POU2F3: variants seen among roughly 807,000 people sequenced by gnomAD.
POU2F3 encodes POU domain, class 2, transcription factor 3.
A neutral mutation model predicts 59.2 loss-of-function variants in POU2F3; 23 were observed. That is an observed-to-expected ratio of 0.39 (90% CI 0.28 to 0.55). The LOEUF (loss-of-function observed/expected upper bound fraction) is 0.55, where lower values mean the gene tolerates loss of function less well. Among genes scored for constraint, POU2F3 ranks in the 20% least tolerant of loss-of-function variants. The pLI, the probability that POU2F3 is intolerant of heterozygous loss-of-function variation, is 0.66. For synonymous variants in POU2F3, 190 were observed against 214.6 expected (o/e 0.89, Z 1.00); for missense variants, 473 against 544.5 (o/e 0.87, Z 1.31).
chr11:120,240,416 G>A (rs758815124), intron 1 of POU2F3, 45 bp downstream of exon 1: 2 of 1,354,908 alleles, frequency 1.5e-6, no homozygotes, highest in East Asian at 2.8e-5. Flanking sequence ...CACTGCGCGT[G>A]GGCAGGGGTG....
At chr11:120,299,051 G>A (rs1056468785) in intron 4 of POU2F3, among the ~76,000 whole-genome samples, 14 of 152,270 alleles carry the variant, frequency 9.2e-5, no homozygotes, top group South Asian at 2.1e-4. Flanking sequence ...CCCAAGCATC[G>A]GAATTATTAG....
chr11:120,240,544 G>T (rs913450345), intron 1 of POU2F3, among the ~76,000 whole-genome samples, 173 bp downstream of exon 1: 7 of 152,070 alleles, frequency 4.6e-5, no homozygotes, highest in Admixed American at 4.6e-4. Context: ...GGGGACTAAA[G>T]GGAGGGGATC....
intron 5 of POU2F3, chr11:120,300,765 G>GAAAA: frequency 4.6e-6 from 1 of 218,920 alleles, no homozygotes; most frequent in Non-Finnish European, 8.2e-6. Context: ...CTCTGTCTCT[G>GAAAA]AAAAAAAAAA....
chr11:120,292,779 G>A (rs1221625730), intron 3 of POU2F3, among the ~76,000 whole-genome samples: 3 of 152,224 alleles, frequency 2.0e-5, no homozygotes, highest in Non-Finnish European at 4.4e-5. Flanking sequence ...TTCAAGTCCT[G>A]GGCACCATGA....
chr11:120,238,827 TAAAAAAAAA>T (rs56948018), upstream of POU2F3, among the ~76,000 whole-genome samples: 38 of 48,362 alleles, frequency 7.9e-4, no homozygotes, highest in African/African-American at 2.5e-3. Context: ...AGACTCTGTC[TAAAAAAAAA>T]AAAAAAAAAA....
intron 1 of POU2F3, among the ~76,000 whole-genome samples, chr11:120,242,647 G>A (rs896704381): frequency 2.0e-5 from 3 of 152,176 alleles, no homozygotes; most frequent in South Asian, 2.1e-4. Flanking sequence ...GCTTGCTCCC[G>A]GGTCGCCCAC....
At chr11:120,274,594 G>A (rs1940244880) in intron 3 of POU2F3, among the ~76,000 whole-genome samples, 1 of 152,206 alleles carries the variant, frequency 6.6e-6, no homozygotes, top group South Asian at 2.1e-4. Context: ...AACTTATCCA[G>A]ATGATGGGAG....
At chr11:120,300,624 T>C (rs1941320536) in intron 5 of POU2F3, among the ~76,000 whole-genome samples, 1 of 151,934 alleles carries the variant, frequency 6.6e-6, no homozygotes, top group Non-Finnish European at 1.5e-5. Flanking sequence ...ATTTGCCGGG[T>C]GTGGTGGTGC....
chr11:120,281,621 G>C (rs937309821), intron 3 of POU2F3, among the ~76,000 whole-genome samples: 2 of 152,048 alleles, frequency 1.3e-5, no homozygotes, highest in Non-Finnish European at 2.9e-5. Context: ...ACATCCTGCT[G>C]TGCTTTTCTT....
intron 10 of POU2F3, among the ~76,000 whole-genome samples, chr11:120,312,262 T>C (rs1034008871): frequency 3.3e-5 from 5 of 152,162 alleles, no homozygotes; most frequent in Non-Finnish European, 7.3e-5. Flanking sequence ...TAGCTGGGAT[T>C]ACAGGCACCC....
At position 120,306,747 on chromosome 11, in the gene POU2F3, G is replaced by C. The variant is rs1266955767; in HGVS notation, c.770-732G>C. Among the ~76,000 whole-genome samples the C allele has an allele frequency of 2.0e-5, 3 of 152,276 alleles. No individual in the cohort carries two copies. The East Asian group carries it at 5.8e-4, about 29-fold the overall frequency. Reference sequence around the variant, plus strand: ...AGAAAAGGGTGGGGCAGCCAGCCAGGGCTGTTACTCATACGGAAGGGCCTC... The same window carrying C: ...AGAAAAGGGTGGGGCAGCCAGCCAGCGCTGTTACTCATACGGAAGGGCCTC... On this transcript the variant is annotated intron_variant, in intron 8 of 12. Coordinates refer to ENST00000543440, the MANE Select transcript of POU2F3 (RefSeq NM_014352.4).
In POU2F3 at chr11:120,305,698, A is replaced by G. The variant is rs1565386816; in HGVS notation, c.682A>G (p.Thr228Ala). 6.2e-7 allele frequency: 1 copy of G among 1,614,026 alleles called. No individual in the cohort carries two copies. ...GTATGGCAACGACTTCAGCCAGACC[A>G]CCATCTCACGATTTGAGGCCCTCAA... The part of the protein sequence containing the change: ...KLYGNDFSQT[T>A]ISRFEALNLS... The change falls in exon 8 of 13, where the codon ACC (threonine) becomes GCC (alanine). Residue 228 changes from threonine to alanine, a missense_variant. Coordinates refer to ENST00000543440, the MANE Select transcript of POU2F3 (RefSeq NM_014352.4).
intron 9 of POU2F3, among the ~76,000 whole-genome samples, 162 bp downstream of exon 9, chr11:120,307,777 T>G (rs1177502239): frequency 1.3e-5 from 2 of 152,092 alleles, no homozygotes. Flanking sequence ...GGTATTGGAG[T>G]GCAAAGCTGC....
chr11:120,250,890 T>C (rs1939068519), intron 2 of POU2F3, among the ~76,000 whole-genome samples: 1 of 152,012 alleles, frequency 6.6e-6, no homozygotes, highest in Non-Finnish European at 1.5e-5. Context: ...GGCAGGAGAA[T>C]TGCTTGAAGC....
At chr11:120,310,257 G>A (rs1941618763) in intron 10 of POU2F3, among the ~76,000 whole-genome samples, 2 of 152,214 alleles carry the variant, frequency 1.3e-5, no homozygotes, top group South Asian at 4.1e-4. Context: ...TGATGGTGGA[G>A]TAGCATGATG....
intron 5 of POU2F3, chr11:120,302,047 T>C (rs1941362779): frequency 2.1e-6 from 1 of 467,018 alleles, no homozygotes; most frequent in Non-Finnish European, 3.8e-6. Context: ...GTGGAAGGAC[T>C]GGTTTGGGGA....
At chr11:120,240,443 T>G in intron 1 of POU2F3, 72 bp downstream of exon 1, 1 of 1,298,022 alleles carries the variant, frequency 7.7e-7, no homozygotes, top group Non-Finnish European at 9.9e-7. Flanking sequence ...AGGGACAACG[T>G]TCTGGTTAGG....
At chr11:120,259,689 T>A (rs1276751433) in intron 2 of POU2F3, among the ~76,000 whole-genome samples, 2 of 152,184 alleles carry the variant, frequency 1.3e-5, no homozygotes, top group Non-Finnish European at 2.9e-5. Context: ...AGACAGCAAC[T>A]TTTTGTTTTA....
chr11:120,309,153 T>C (rs1941586565), intron 9 of POU2F3, among the ~76,000 whole-genome samples: 1 of 152,200 alleles, frequency 6.6e-6, no homozygotes, highest in Non-Finnish European at 1.5e-5. Context: ...GGCCCTGTGC[T>C]TGACAGTTTA....
Sources: gnomAD v4.1 joint callset for allele counts (sites outside exome capture counted in the v4.1 genomes callset) on GRCh38, gnomAD v4.1.1 for gene constraint, MANE v1.5 for transcripts, NCBI Gene and HGNC (gene_info 2026-07-23, HGNC 2026-07-21) for gene names.